The following SDR16C5 variants were observed in gnomAD, a reference collection of about 807,000 sequenced individuals.
SDR16C5 encodes the protein epidermal retinol dehydrogenase 2.
In SDR16C5, 20 loss-of-function variants were observed where a neutral mutation model predicts 27.7. That is an observed-to-expected ratio of 0.72 (90% confidence interval 0.51 to 1.05). SDR16C5 has a LOEUF of 1.05. Ranked by LOEUF, SDR16C5 falls within the 50% of genes least tolerant of loss-of-function variation. The probability of loss-of-function intolerance (pLI) is 0.00; values close to 1 mark genes in which losing one functional copy is unlikely to be tolerated. For missense variants in SDR16C5, 374 were observed against 366.3 expected (o/e 1.02, Z -0.17); for synonymous variants, 139 against 132.3 (o/e 1.05, Z -0.35).
intron 6 of SDR16C5, among the ~76,000 whole-genome samples, chr8:56,303,775 C>T (rs768647471): frequency 6.6e-5 from 10 of 152,168 alleles, no homozygotes; most frequent in African/African-American, 9.7e-5. Context: ...AATTAAGTTC[C>T]GTGTTCTTAC....
Position 56,306,853 on chromosome 8 carries a change from CAA to C in SDR16C5, c.566-35_566-34del, listed in dbSNP as rs771154488. Reference sequence around the variant, plus strand: ...AGACAAAGCATGATAACGTATATTCCAAAGTTTTAAAATGGCATTACATTAAG... The same window carrying C: ...AGACAAAGCATGATAACGTATATTCCAGTTTTAAAATGGCATTACATTAAG... On this transcript the variant is annotated intron_variant, in intron 4 of 6. Transcript: ENST00000303749. 6 of 1,587,884 alleles carry C rather than the reference CAA, an allele frequency of 3.8e-6. No homozygotes were observed. The South Asian group carries it at 6.9e-5, about 18-fold the overall frequency.
intron 3 of SDR16C5, chr8:56,309,433 T>C: frequency 1.0e-6 from 1 of 985,430 alleles, no homozygotes; most frequent in Non-Finnish European, 1.2e-6. Flanking sequence ...CTGAACATTG[T>C]TCACAGGACA....
At chr8:56,310,071 G>A (rs150410670) in intron 3 of SDR16C5, among the ~76,000 whole-genome samples, 1 of 147,880 alleles carries the variant, frequency 6.8e-6, no homozygotes, top group Admixed American at 6.8e-5. Context: ...AGGAGTTGGA[G>A]TTGGAGGAAG....
chr8:56,303,903 C>A, intron 6 of SDR16C5: 1 of 698,832 alleles, frequency 1.4e-6, no homozygotes, highest in Non-Finnish European at 2.6e-6. Context: ...CTACGACAAA[C>A]ATTGTCTCTA....
chr8:56,312,688 G>C (rs1245643348), intron 2 of SDR16C5, among the ~76,000 whole-genome samples: 5 of 151,842 alleles, frequency 3.3e-5, no homozygotes, highest in African/African-American at 1.2e-4. Flanking sequence ...CTGGGTGACA[G>C]AGTGAGACTG....
At chr8:56,311,456 A>G (rs1488456114) in intron 3 of SDR16C5, among the ~76,000 whole-genome samples, 1 of 152,138 alleles carries the variant, frequency 6.6e-6, no homozygotes, top group Non-Finnish European at 1.5e-5. Flanking sequence ...TAAAAATACA[A>G]CTTTTAATAA....
At chr8:56,318,261 A>G (rs1247351415) in intron 1 of SDR16C5, among the ~76,000 whole-genome samples, 1 of 152,142 alleles carries the variant, frequency 6.6e-6, no homozygotes, top group East Asian at 1.9e-4. Flanking sequence ...CAAATGAAGA[A>G]CGTTTTCATC....
chr8:56,300,908 G>C lies in SDR16C5; in HGVS notation c.*572C>G, dbSNP rs553120239. On this transcript the variant is annotated 3_prime_UTR_variant, in exon 7 of 7. Transcript: ENST00000303749. ...TGGGCCTTTAGCCAGACTGCCACTC[G>C]GTCTGCGTATCCAGGGCATTCAGAA... is the stretch of plus-strand genomic sequence containing the variant. The C allele has an allele frequency of 6.6e-6, 1 of 152,612 alleles. No individual in the cohort carries two copies. The highest frequency in any genetic ancestry group is 2.4e-5 in the African/African-American group (1 of 41,440). The allele number at this position is 152,612 out of a possible 1,614,324, so 9.5% of individuals were successfully genotyped here.
chr8:56,314,536 A>C (rs1315246473), intron 2 of SDR16C5, among the ~76,000 whole-genome samples: 1 of 152,242 alleles, frequency 6.6e-6, no homozygotes, highest in African/African-American at 2.4e-5. Flanking sequence ...GGCTGGCCAG[A>C]TAAATTGTAG....
At chr8:56,307,292 C>T (rs1018304902) in intron 4 of SDR16C5, among the ~76,000 whole-genome samples, 2 of 151,594 alleles carry the variant, frequency 1.3e-5, no homozygotes, top group Non-Finnish European at 2.9e-5. Context: ...CTTTCCTTCA[C>T]TTCCAGAAAA....
At chr8:56,306,288 C>T (rs1814879193) in intron 5 of SDR16C5, among the ~76,000 whole-genome samples, 1 of 152,126 alleles carries the variant, frequency 6.6e-6, no homozygotes, top group South Asian at 2.1e-4. Context: ...CTTGTTTAAG[C>T]CACCTAGTGT....
intron 2 of SDR16C5, among the ~76,000 whole-genome samples, chr8:56,314,900 A>G (rs1268291658): frequency 6.6e-6 from 1 of 152,190 alleles, no homozygotes; most frequent in Non-Finnish European, 1.5e-5. Flanking sequence ...TGGGAGGCAC[A>G]AAGTGTCCCA....
intron 1 of SDR16C5, 28 bp from the exon 2 acceptor site, chr8:56,316,389 G>A: frequency 7.0e-7 from 1 of 1,424,878 alleles, no homozygotes; most frequent in Non-Finnish European, 9.9e-7. Context: ...TTCACATGAA[G>A]ACTTATTTGT....
intron 2 of SDR16C5, among the ~76,000 whole-genome samples, chr8:56,315,538 A>G (rs191677286): frequency 6.6e-6 from 1 of 152,268 alleles, no homozygotes; most frequent in Non-Finnish European, 1.5e-5. Context: ...TCCATCACAC[A>G]CCAGGTCTGT....
At chr8:56,309,316 A>G in intron 3 of SDR16C5, 2 of 985,328 alleles carry the variant, frequency 2.0e-6, no homozygotes, top group African/African-American at 3.5e-5. Flanking sequence ...GAATTGAAGG[A>G]GTAAATCTTT....
chr8:56,312,384 A>G (rs925944275), intron 2 of SDR16C5, 96 bp from the exon 3 acceptor site: 6 of 1,141,976 alleles, frequency 5.3e-6, no homozygotes, highest in Non-Finnish European at 7.8e-6. Context: ...ATCCTGGTTA[A>G]TTCATACTGA....
chr8:56,311,769 A>G (rs1180908640), intron 3 of SDR16C5, among the ~76,000 whole-genome samples: 1 of 152,224 alleles, frequency 6.6e-6, no homozygotes, highest in African/African-American at 2.4e-5. Context: ...TAGGCAAATT[A>G]CAAAGCTACC....
intron 1 of SDR16C5, among the ~76,000 whole-genome samples, chr8:56,319,359 G>A (rs1270285260): frequency 6.6e-6 from 1 of 152,152 alleles, no homozygotes; most frequent in Non-Finnish European, 1.5e-5. Context: ...AACTTCCACT[G>A]GTCCTGTTAA....
chr8:56,312,447 G>A (rs1216363017), intron 2 of SDR16C5, among the ~76,000 whole-genome samples, 159 bp from the exon 3 acceptor site: 1 of 152,106 alleles, frequency 6.6e-6, no homozygotes, highest in Non-Finnish European at 1.5e-5. Flanking sequence ...GCTCACACCT[G>A]TAATCCCAGC....
Sources: gnomAD v4.1 joint callset for allele counts (sites outside exome capture counted in the v4.1 genomes callset) on GRCh38, gnomAD v4.1.1 for gene constraint, MANE v1.5 for transcripts, NCBI Gene and HGNC (gene_info 2026-07-23, HGNC 2026-07-21) for gene names.